SCG5: variants seen among roughly 807,000 people sequenced by gnomAD.
SCG5 encodes the protein secretogranin V, also known as neuroendocrine protein 7B2.
Under a neutral mutation model 25.7 loss-of-function variants are expected in SCG5, and 18 were observed. The ratio of observed to expected loss-of-function variants is 0.70; its 90% CI spans 0.48 to 1.04. The LOEUF is 1.04. SCG5 is among the 50% of genes least tolerant of loss of function. The probability of loss-of-function intolerance (pLI) is 0.00; values close to 1 mark genes in which losing one functional copy is unlikely to be tolerated. For synonymous variants in SCG5, 101 were observed against 91.7 expected, an observed-to-expected ratio of 1.10 and a Z score of -0.58; for missense variants, 206 against 259.8, an observed-to-expected ratio of 0.79 and a Z score of 1.42.
chr15:32,657,211 A>ATG (rs1220018091), intron 2 of SCG5, among the ~76,000 whole-genome samples: 1 of 102,468 alleles, frequency 9.8e-6, no homozygotes, highest in Non-Finnish European at 2.0e-5. Context: ...ATATATATAT[A>ATG]TGTATGTATT....
At chr15:32,667,345 T>C (rs1191251368) in intron 2 of SCG5, among the ~76,000 whole-genome samples, 2 of 150,580 alleles carry the variant, frequency 1.3e-5, no homozygotes, top group African/African-American at 4.8e-5. Flanking sequence ...TTTTTAAAGA[T>C]AAGTTTGGTG....
intron 1 of SCG5, among the ~76,000 whole-genome samples, chr15:32,642,380 C>T (rs568214028): frequency 1.3e-5 from 2 of 151,486 alleles, no homozygotes; most frequent in African/African-American, 4.8e-5. Context: ...CCAGCCTGAC[C>T]AATATGGTGA....
rs116444643 is a variant in SCG5, at chr15:32,676,566, A to T, written c.227-3200A>T. ...TAAAGCTTCAAATATATCAATACCAAGTGTACTGATATGTCTAACCTTTGC... is the reference window on the plus strand; with the variant it reads ...TAAAGCTTCAAATATATCAATACCATGTGTACTGATATGTCTAACCTTTGC... On this transcript the variant is annotated intron_variant, in intron 2 of 5. Coordinates refer to ENST00000300175, the MANE Select transcript of SCG5 (RefSeq NM_001144757.3). 1.5e-3 allele frequency among the ~76,000 whole-genome samples: 233 copies of T among 152,346 alleles called. 1 individual carries two copies. Among genetic ancestry groups the T allele is most frequent in the African/African-American group, 5.5e-3 (228 of 41,578 alleles).
intron 2 of SCG5, among the ~76,000 whole-genome samples, chr15:32,650,383 G>A (rs1440716276): frequency 1.3e-5 from 2 of 152,186 alleles, no homozygotes; most frequent in African/African-American, 4.8e-5. Context: ...TTACAGGCGT[G>A]AGCCACCACG....
intron 2 of SCG5, among the ~76,000 whole-genome samples, chr15:32,663,590 G>A (rs2054273874): frequency 6.6e-6 from 1 of 152,108 alleles, no homozygotes; most frequent in Non-Finnish European, 1.5e-5. Flanking sequence ...CCTACCTGGT[G>A]GATCATCAGA....
intron 2 of SCG5, among the ~76,000 whole-genome samples, chr15:32,667,456 A>G (rs1055116273): frequency 6.6e-6 from 1 of 152,198 alleles, no homozygotes; most frequent in Non-Finnish European, 1.5e-5. Flanking sequence ...TGTGAGGTGT[A>G]TTTCCAGTGT....
chr15:32,655,877 T>A (rs998867627), intron 2 of SCG5, among the ~76,000 whole-genome samples: 1 of 152,216 alleles, frequency 6.6e-6, no homozygotes, highest in African/African-American at 2.4e-5. Flanking sequence ...TGTTTGCATA[T>A]CACTTGGTCT....
intron 2 of SCG5, among the ~76,000 whole-genome samples, chr15:32,678,171 TAAG>T (rs2054561301): frequency 6.6e-6 from 1 of 152,182 alleles, no homozygotes; most frequent in Admixed American, 6.5e-5. Flanking sequence ...TTTAGAAGGA[TAAG>T]AAGAAATCAC....
At chr15:32,663,506 A>G (rs1336089989) in intron 2 of SCG5, among the ~76,000 whole-genome samples, 3 of 152,192 alleles carry the variant, frequency 2.0e-5, no homozygotes, top group Non-Finnish European at 4.4e-5. Context: ...GTATCCAGAT[A>G]GACTTACTGT....
chr15:32,681,035 C>T (rs1215739372), intron 3 of SCG5, among the ~76,000 whole-genome samples: 1 of 152,172 alleles, frequency 6.6e-6, no homozygotes, highest in Middle Eastern at 3.2e-3. Flanking sequence ...CCATGTAAAG[C>T]ATTTTAGCAC....
intron 2 of SCG5, chr15:32,666,050 G>A (rs1487548088): frequency 6.6e-6 from 1 of 152,090 alleles, no homozygotes; most frequent in Non-Finnish European, 1.5e-5. Flanking sequence ...CTTCTGAGTA[G>A]GAAAGAAATA....
At chr15:32,680,147 T>C (rs1433945789) in intron 3 of SCG5, among the ~76,000 whole-genome samples, 2 of 151,992 alleles carry the variant, frequency 1.3e-5, no homozygotes, top group African/African-American at 4.8e-5. Flanking sequence ...TTTCTTTCTG[T>C]GTCTCCCCTT....
chr15:32,695,572 G>T (rs1225878821), intron 5 of SCG5, among the ~76,000 whole-genome samples: 1 of 152,002 alleles, frequency 6.6e-6, no homozygotes, highest in Non-Finnish European at 1.5e-5. Flanking sequence ...ACCCTTCCCG[G>T]AAGCTTCCTT....
In SCG5 at chr15:32,649,903, C is replaced by T. The variant is rs1314522111; in HGVS notation, c.226+6085C>T. Among the ~76,000 whole-genome samples the T allele has an allele frequency of 3.3e-5, 5 of 152,184 alleles. No individual in the cohort carries two copies. The South Asian group carries it at 8.3e-4, about 25-fold the overall frequency. On this transcript the variant is annotated intron_variant, in intron 2 of 5. Coordinates refer to ENST00000300175, the MANE Select transcript of SCG5 (RefSeq NM_001144757.3). The stretch of plus-strand genomic sequence containing the variant: ...TAAGCCTAGTTCTCTCAAATAAAAT[C>T]GGCCCAAATAAAATGGGCTTGTCTG...
At chr15:32,662,012 C>A (rs1243138770) in intron 2 of SCG5, among the ~76,000 whole-genome samples, 2 of 152,122 alleles carry the variant, frequency 1.3e-5, no homozygotes, top group Non-Finnish European at 2.9e-5. Context: ...AAGAACCTAT[C>A]CCTATATTAA....
At chr15:32,690,991 A>C (rs1241832057) in intron 4 of SCG5, among the ~76,000 whole-genome samples, 1 of 151,496 alleles carries the variant, frequency 6.6e-6, no homozygotes, top group East Asian at 1.9e-4. Flanking sequence ...GTCTTTTATA[A>C]TCTCAATAGA....
chr15:32,662,838 GTC>G (rs34211342), intron 2 of SCG5, among the ~76,000 whole-genome samples: 37,546 of 150,882 alleles, frequency 0.25, 5,129 homozygotes, highest in Admixed American at 0.34. Context: ...ACGATTTGAT[GTC>G]TCTGGTGCAG....
chr15:32,652,643 G>A (rs1193801145), intron 2 of SCG5, among the ~76,000 whole-genome samples: 9 of 152,250 alleles, frequency 5.9e-5, no homozygotes, highest in Admixed American at 2.0e-4. Context: ...GAGCTTTGGA[G>A]GTTTTGGCCT....
chr15:32,677,637 C>CA (rs36062209), intron 2 of SCG5: 59,603 of 152,044 alleles, frequency 0.39, 12,514 homozygotes, highest in East Asian at 0.65. Context: ...TCATGCACAC[C>CA]AGGCACCTTT....
Sources: gnomAD v4.1 joint callset for allele counts (sites outside exome capture counted in the v4.1 genomes callset) on GRCh38, gnomAD v4.1.1 for gene constraint, MANE v1.5 for transcripts, NCBI Gene and HGNC (gene_info 2026-07-23, HGNC 2026-07-21) for gene names.